Variants in LYRM4 observed in about 807,000 individuals in gnomAD.
LYRM4 encodes LYR motif containing 4.
In LYRM4, 9 loss-of-function variants were observed where a neutral mutation model predicts 11.7. The observed-to-expected ratio is 0.77, with a 90% CI of 0.46 to 1.34. The LOEUF (loss-of-function observed/expected upper bound fraction) is 1.34, where lower values mean the gene tolerates loss of function less well. LYRM4 is among the 40% of genes most tolerant of loss of function. The pLI, the probability that LYRM4 is intolerant of heterozygous loss-of-function variation, is 0.00. For missense variants in LYRM4, 133 were observed against 112.5 expected (o/e 1.18, Z -0.82); for synonymous variants, 42 against 40.4 (o/e 1.04, Z -0.15).
intron 1 of LYRM4, among the ~76,000 whole-genome samples, chr6:5,231,538 A>G (rs909697610): frequency 6.6e-6 from 1 of 152,188 alleles, no homozygotes; most frequent in Non-Finnish European, 1.5e-5. Context: ...TATGCAGATG[A>G]GTCTGTGAAT....
chr6:5,101,123 C>G (rs2127588558), downstream of LYRM4, among the ~76,000 whole-genome samples: 1 of 152,308 alleles, frequency 6.6e-6, no homozygotes, highest in South Asian at 2.1e-4. Context: ...CCTTCCCCAC[C>G]ACATAACCCC....
chr6:5,161,098 A>C (rs1758734996), intron 2 of LYRM4, among the ~76,000 whole-genome samples: 1 of 152,208 alleles, frequency 6.6e-6, no homozygotes, highest in Non-Finnish European at 1.5e-5. Flanking sequence ...CTAAAACTAG[A>C]AGAAGAAATT....
At chr6:5,208,067 T>A (rs1361189756) in intron 2 of LYRM4, among the ~76,000 whole-genome samples, 1 of 152,158 alleles carries the variant, frequency 6.6e-6, no homozygotes, top group East Asian at 1.9e-4. Flanking sequence ...AGGTCAGAAT[T>A]TCCTCACCTA....
intron 2 of LYRM4, among the ~76,000 whole-genome samples, chr6:5,185,596 G>A (rs1295004152): frequency 6.6e-6 from 1 of 152,128 alleles, no homozygotes; most frequent in Non-Finnish European, 1.5e-5. Context: ...CTCTGCCTGA[G>A]CAACCCCACA....
rs184182342 is a variant in LYRM4 at position 5,242,632 on chromosome 6, A to G, written c.86+18016T>C. Among the ~76,000 whole-genome samples, 671 of 151,476 alleles carry G rather than the reference A, an allele frequency of 4.4e-3. 2 individuals carry two copies. Among genetic ancestry groups the G allele is most frequent in the African/African-American group, 0.015 (635 of 41,422 alleles). On this transcript the variant is annotated intron_variant, in intron 1 of 2. Coordinates refer to ENST00000330636, the MANE Select transcript of LYRM4 (RefSeq NM_020408.6). Reference sequence around the variant, plus strand: ...ATACTCGGGAGGCTGAGGCAGGAGAACCACTTGAACATGGAGGCAGAGGCT... The same window carrying G: ...ATACTCGGGAGGCTGAGGCAGGAGAGCCACTTGAACATGGAGGCAGAGGCT...
At chr6:5,157,471 G>A (rs945413241) in intron 2 of LYRM4, among the ~76,000 whole-genome samples, 3 of 150,834 alleles carry the variant, frequency 2.0e-5, no homozygotes, top group Non-Finnish European at 4.4e-5. Context: ...TTCTTTGCAT[G>A]AGCCCTGCAA....
chr6:5,092,022 A>G, the LYRM4 span, among the ~76,000 whole-genome samples: 1 of 152,226 alleles, frequency 6.6e-6, no homozygotes, highest in Non-Finnish European at 1.5e-5. Context: ...AGCTGGAAAT[A>G]GGAAATTCAG....
At chr6:5,201,386 C>T (rs1276121210) in intron 2 of LYRM4, among the ~76,000 whole-genome samples, 3 of 152,168 alleles carry the variant, frequency 2.0e-5, no homozygotes, top group African/African-American at 7.2e-5. Context: ...GGCCTGGAAA[C>T]ATACCAATGC....
chr6:5,249,372 T>C (rs1037700396), intron 1 of LYRM4, among the ~76,000 whole-genome samples: 5 of 152,202 alleles, frequency 3.3e-5, no homozygotes, highest in African/African-American at 4.8e-5. Context: ...GAAAATAATA[T>C]GTAAGTCAAA....
chr6:5,224,907 C>T (rs1419034933), intron 1 of LYRM4, among the ~76,000 whole-genome samples: 2 of 152,000 alleles, frequency 1.3e-5, no homozygotes, highest in Non-Finnish European at 2.9e-5. Flanking sequence ...TTGCAATGAG[C>T]CGAGATTGCG....
At chr6:5,186,985 A>T in intron 2 of LYRM4, 3 of 559,482 alleles carry the variant, frequency 5.4e-6, no homozygotes, top group Non-Finnish European at 6.2e-6. Context: ...GTCCATCTTA[A>T]AAAAAAAAAA....
intron 1 of LYRM4, among the ~76,000 whole-genome samples, chr6:5,236,001 T>C (rs550001002): frequency 6.6e-5 from 10 of 152,344 alleles, no homozygotes; most frequent in Admixed American, 5.2e-4. Flanking sequence ...GAGGGAACTC[T>C]ATGTCAACAA....
the LYRM4 span, among the ~76,000 whole-genome samples, chr6:5,037,860 A>G: frequency 2.1e-5 from 1 of 47,384 alleles, no homozygotes; most frequent in African/African-American, 5.7e-5. Flanking sequence ...GGCCGGGCAG[A>G]GGGGCTCCTC....
chr6:5,101,253 G>A (rs148694724), downstream of LYRM4, among the ~76,000 whole-genome samples: 2 of 152,220 alleles, frequency 1.3e-5, no homozygotes, highest in East Asian at 3.9e-4. Context: ...TACAGAACTC[G>A]TACAGCTATT....
At chr6:5,101,403 G>A (rs1762494570), downstream of LYRM4, among the ~76,000 whole-genome samples, 1 of 152,224 alleles carries the variant, frequency 6.6e-6, no homozygotes, top group Non-Finnish European at 1.5e-5. Context: ...TGCTTACTGT[G>A]TATTAAACCT....
chr6:5,086,186 A>G, the LYRM4 span: 21 of 1,533,208 alleles, frequency 1.4e-5, no homozygotes, highest in East Asian at 3.9e-4. Context: ...GCTGAGGTGA[A>G]GGGCTCCGGC....
the LYRM4 span, among the ~76,000 whole-genome samples, chr6:5,081,228 C>A: frequency 3.4e-4 from 51 of 150,668 alleles, no homozygotes; most frequent in Non-Finnish European, 6.6e-4. Flanking sequence ...GGCTTTGCAT[C>A]TCAGAGTAGA....
chr6:5,123,340 G>C (rs1763549023), intron 2 of LYRM4, among the ~76,000 whole-genome samples: 1 of 152,200 alleles, frequency 6.6e-6, no homozygotes, highest in African/African-American at 2.4e-5. Flanking sequence ...GTGGGACATG[G>C]GCAGTCAGCA....
At chr6:5,131,014 G>C (rs1237686398) in intron 2 of LYRM4, among the ~76,000 whole-genome samples, 1 of 152,076 alleles carries the variant, frequency 6.6e-6, no homozygotes, top group African/African-American at 2.4e-5. Context: ...AACTGGGAAA[G>C]GTAACAAAAC....
Sources: allele counts gnomAD v4.1 joint callset (sites outside exome capture counted in the v4.1 genomes callset), GRCh38; gene constraint gnomAD v4.1.1; transcripts MANE v1.5; gene names NCBI Gene and HGNC (gene_info 2026-07-23, HGNC 2026-07-21).